Variants in MNAT1 observed in about 807,000 individuals in gnomAD.
MNAT1 encodes CDK-activating kinase assembly factor MAT1.
In MNAT1, 43 loss-of-function variants were observed where a neutral mutation model predicts 42.0. That is an observed-to-expected ratio of 1.02 (90% CI 0.80 to 1.32). The LOEUF (loss-of-function observed/expected upper bound fraction) is 1.32. Among genes scored for constraint, MNAT1 ranks in the 40% most tolerant of loss-of-function variants. MNAT1 has a pLI of 0.00. For missense variants in MNAT1, 306 were observed against 350.4 expected (o/e 0.87, Z 1.01); for synonymous variants, 118 against 120.0 (o/e 0.98, Z 0.11).
chr14:60,797,902 C>T (rs1299578172), intron 2 of MNAT1, among the ~76,000 whole-genome samples, 185 bp from the exon 3 acceptor site: 1 of 152,000 alleles, frequency 6.6e-6, no homozygotes, highest in Non-Finnish European at 1.5e-5. Context: ...TGCACTCCAG[C>T]CTGGACAACA....
chr14:60,904,976 C>CTATTTTTTTTTT (rs764243844), intron 7 of MNAT1, among the ~76,000 whole-genome samples: 8 of 79,010 alleles, frequency 1.0e-4, no homozygotes, highest in Non-Finnish European at 1.9e-4. Context: ...TCAGCAGTTC[C>CTATTTTTTTTTT]TTTTTTTTTT....
rs189315102 is a variant in MNAT1 at position 60,804,733 on chromosome 14, A to T, written c.317-3592A>T. 5.3e-3 allele frequency among the ~76,000 whole-genome samples: 805 copies of T among 152,154 alleles called. 9 individuals are homozygous for T. Among genetic ancestry groups the T allele is most frequent in the Non-Finnish European group, 6.2e-3 (419 of 67,994 alleles). ...TTTTAATTTTATTTTTTTGGTAGAG[A>T]TGGGGCCTCATGTTGACCAGGCTGG... is the stretch of plus-strand genomic sequence containing the variant. On this transcript the variant is annotated intron_variant, in intron 3 of 7. Transcript: ENST00000261245.
intron 6 of MNAT1, among the ~76,000 whole-genome samples, chr14:60,830,945 G>T (rs1271616049): frequency 1.3e-5 from 2 of 151,860 alleles, no homozygotes; most frequent in Non-Finnish European, 2.9e-5. Context: ...TCAACTGAAT[G>T]GATACATTCC....
rs188210446 is a variant in MNAT1 at position 60,918,358 on chromosome 14, G to A, written c.809+38523G>A. 8.7e-4 allele frequency among the ~76,000 whole-genome samples: 132 copies of A among 151,156 alleles called. 1 individual carries two copies. Among genetic ancestry groups the A allele is most frequent in the African/African-American group, 3.0e-3 (125 of 41,226 alleles). On this transcript the variant is annotated intron_variant, in intron 7 of 7. Transcript: ENST00000261245. ...TGAGTAGCTGGGACTACAGGCGCCC[G>A]CAACCATACCGGGCTAATTTTTTGT...
Position 60,740,964 on chromosome 14 carries a change from C to T in MNAT1, c.89+6013C>T, listed in dbSNP as rs1240258001. Among the ~76,000 whole-genome samples, 1 of 152,122 alleles carries T rather than the reference C, an allele frequency of 6.6e-6. No homozygotes were observed. Among genetic ancestry groups the T allele is most frequent in the African/African-American group, 2.4e-5 (1 of 41,440 alleles). ...TTATCTACTCATCTTATGAATTACTCCACTATGATTATAGATTTGTCAGTT... is the reference window on the plus strand; with the variant it reads ...TTATCTACTCATCTTATGAATTACTTCACTATGATTATAGATTTGTCAGTT... On this transcript the variant is annotated intron_variant, in intron 1 of 7. Transcript: ENST00000261245. The surrounding 1 kb of genome is among the most constrained non-coding windows in gnomAD (Gnocchi z 4.1).
At chr14:60,743,646 A>G (rs977735947) in intron 1 of MNAT1, among the ~76,000 whole-genome samples, 2 of 152,220 alleles carry the variant, frequency 1.3e-5, no homozygotes, top group African/African-American at 2.4e-5. Context: ...GATTTTGTTT[A>G]TAAGAAAGTG....
chr14:60,853,211 C>G (rs542260066), intron 6 of MNAT1, among the ~76,000 whole-genome samples: 1 of 152,082 alleles, frequency 6.6e-6, no homozygotes, highest in East Asian at 1.9e-4. Flanking sequence ...TGTGTCCTCT[C>G]TTATTTCCTT....
At chr14:60,858,187 A>C (rs1270228160) in intron 6 of MNAT1, among the ~76,000 whole-genome samples, 1 of 152,194 alleles carries the variant, frequency 6.6e-6, no homozygotes, top group Non-Finnish European at 1.5e-5. Context: ...TTACACTCCT[A>C]CCAACAGTGT....
chr14:60,752,741 C>T (rs577727204), intron 1 of MNAT1, among the ~76,000 whole-genome samples: 18 of 152,284 alleles, frequency 1.2e-4, no homozygotes, highest in African/African-American at 4.1e-4. Context: ...TAAGAAATTT[C>T]ATATTACTCT....
chr14:60,932,080 A>G (rs1843321957), intron 7 of MNAT1, among the ~76,000 whole-genome samples: 1 of 151,952 alleles, frequency 6.6e-6, no homozygotes, highest in African/African-American at 2.4e-5. Context: ...AATCAATTTT[A>G]TATTATCAAG....
At chr14:60,865,105 A>C (rs1052972607) in intron 6 of MNAT1, among the ~76,000 whole-genome samples, 3 of 152,098 alleles carry the variant, frequency 2.0e-5, no homozygotes, top group African/African-American at 4.8e-5. Context: ...TACTAGGCAC[A>C]GAAGAGTCAA....
chr14:60,899,253 A>C (rs1393323049), intron 7 of MNAT1, among the ~76,000 whole-genome samples: 1 of 152,196 alleles, frequency 6.6e-6, no homozygotes, highest in African/African-American at 2.4e-5. Flanking sequence ...CATAACTGGC[A>C]TAAGTTCTGT....
intron 7 of MNAT1, among the ~76,000 whole-genome samples, chr14:60,938,912 C>T (rs1379023987): frequency 6.6e-6 from 1 of 152,106 alleles, no homozygotes; most frequent in Non-Finnish European, 1.5e-5. Context: ...ATTTCAGAGC[C>T]TGTTATTGGT....
chr14:60,855,686 C>G (rs912413357), intron 6 of MNAT1, among the ~76,000 whole-genome samples: 2 of 152,150 alleles, frequency 1.3e-5, no homozygotes, highest in African/African-American at 2.4e-5. Context: ...GTTGGAAATG[C>G]AGAAATTACC....
In MNAT1 at chr14:60,941,703, TA is replaced by T. The variant is rs74849961; in HGVS notation, c.810-26513del. ...AGCAATAGAGTTAGACCCTGTTTCT[TA>T]AAAAAAAAAAAAGTCAATGGCCGGG... On this transcript the variant is annotated intron_variant, in intron 7 of 7. Transcript: ENST00000261245. Among the ~76,000 whole-genome samples the T allele has an allele frequency of 5.1e-3, 713 of 139,568 alleles. 2 individuals are homozygous for T. Among genetic ancestry groups the T allele is most frequent in the African/African-American group, 0.013 (492 of 38,134 alleles). 91.6% of individuals were successfully genotyped at this position (139,568 alleles called of 152,430 possible).
rs186849586 is a variant in MNAT1 at position 60,842,777 on chromosome 14, A to G, written c.687+23930A>G. ...AAACCCATCATAAGTTGAAAATACC[A>G]TAAGTCAAAAATTCATTTAATATAC... On this transcript the variant is annotated intron_variant, in intron 6 of 7. Coordinates refer to ENST00000261245, the MANE Select transcript of MNAT1 (RefSeq NM_002431.4). 2.5e-3 allele frequency among the ~76,000 whole-genome samples: 378 copies of G among 152,352 alleles called. 2 individuals carry two copies. Among genetic ancestry groups the G allele is most frequent in the African/African-American group, 8.9e-3 (369 of 41,592 alleles).
Position 60,862,484 on chromosome 14 carries a change from G to A in MNAT1, c.688-17230G>A, listed in dbSNP as rs534406445. On this transcript the variant is annotated intron_variant, in intron 6 of 7. Coordinates refer to ENST00000261245, the MANE Select transcript of MNAT1 (RefSeq NM_002431.4). ...TCCCCTTTTATAATAAATCTCAGCT[G>A]TGTGTTCAGCACAAGGGCTCAGTGC... 1.6e-4 allele frequency among the ~76,000 whole-genome samples: 24 copies of A among 152,310 alleles called. No individual in the cohort carries two copies. The South Asian group carries it at 4.8e-3, about 30-fold the overall frequency.
intron 7 of MNAT1, among the ~76,000 whole-genome samples, chr14:60,941,920 C>A (rs1404594989): frequency 7.8e-6 from 1 of 127,558 alleles, no homozygotes; most frequent in Non-Finnish European, 1.6e-5. Context: ...AGGAGAATGG[C>A]ATGAAACCTG....
intron 7 of MNAT1, among the ~76,000 whole-genome samples, chr14:60,887,653 C>T (rs1356654780): frequency 6.6e-6 from 1 of 151,844 alleles, no homozygotes; most frequent in East Asian, 1.9e-4. Flanking sequence ...ATTAATGTAT[C>T]CAGGAGCTGG....
Sources: allele counts gnomAD v4.1 joint callset (sites outside exome capture counted in the v4.1 genomes callset), GRCh38; gene constraint gnomAD v4.1.1; non-coding constraint Gnocchi (gnomAD v3.1); transcripts MANE v1.5; gene names NCBI Gene and HGNC (gene_info 2026-07-23, HGNC 2026-07-21).